Variants in DPP10 observed in about 807,000 individuals in gnomAD.
DPP10 encodes dipeptidyl peptidase like 10.
Under a neutral mutation model 120.9 loss-of-function variants are expected in DPP10, and 33 were observed. The ratio of observed to expected loss-of-function variants is 0.27; its 90% CI spans 0.21 to 0.37. The LOEUF (loss-of-function observed/expected upper bound fraction) is 0.37, where lower values mean the gene tolerates loss of function less well. Among genes scored for constraint, DPP10 ranks in the 10% least tolerant of loss-of-function variants. The pLI is 1.00. For synonymous variants in DPP10, 337 were observed against 326.1 expected (o/e 1.03, Z -0.36); for missense variants, 816 against 942.8 (o/e 0.87, Z 1.76).
At chr2:114,464,609 A>C (rs933676713) in intron 1 of DPP10, among the ~76,000 whole-genome samples, 8 of 152,048 alleles carry the variant, frequency 5.3e-5, no homozygotes, top group African/African-American at 1.9e-4. Context: ...TTTTTATTGT[A>C]TTTCTATCCT....
At chr2:115,753,129 A>G in intron 10 of DPP10, 45 bp from the exon 11 acceptor site, 2 of 1,577,824 alleles carry the variant, frequency 1.3e-6, no homozygotes, top group Non-Finnish European at 1.7e-6. Context: ...TACTATATCA[A>G]TGCTCTGGCT....
intron 5 of DPP10, among the ~76,000 whole-genome samples, chr2:115,547,797 C>G (rs970432161): frequency 1.3e-5 from 2 of 149,844 alleles, no homozygotes; most frequent in Non-Finnish European, 1.5e-5. Context: ...TAAATAATTT[C>G]ATTAAGGCAA....
chr2:114,542,141 G>A (rs1272813867), intron 1 of DPP10, among the ~76,000 whole-genome samples: 2 of 145,132 alleles, frequency 1.4e-5, no homozygotes, highest in South Asian at 2.2e-4. Flanking sequence ...TCCACTTCCC[G>A]GGTTCCAGTG....
intron 1 of DPP10, among the ~76,000 whole-genome samples, chr2:114,830,655 A>T (rs2106396491): frequency 6.6e-6 from 1 of 152,132 alleles, no homozygotes; most frequent in Non-Finnish European, 1.5e-5. Flanking sequence ...ACAACCTCTT[A>T]TTTTTTTTAA....
intron 1 of DPP10, among the ~76,000 whole-genome samples, chr2:114,822,937 C>T (rs1229056666): frequency 6.6e-6 from 1 of 152,198 alleles, no homozygotes; most frequent in Non-Finnish European, 1.5e-5. Context: ...CAAAGCCACT[C>T]AACAAGACTC....
chr2:114,920,200 T>C (rs759653594), intron 1 of DPP10, among the ~76,000 whole-genome samples: 31 of 152,142 alleles, frequency 2.0e-4, no homozygotes, highest in Non-Finnish European at 1.9e-4. Flanking sequence ...CCTCTGATCA[T>C]CATCTGGTTT....
At chr2:115,794,885 C>G (rs1291585078) in intron 19 of DPP10, among the ~76,000 whole-genome samples, 1 of 152,098 alleles carries the variant, frequency 6.6e-6, no homozygotes, top group African/African-American at 2.4e-5. Flanking sequence ...AATTTAATAC[C>G]ATACACGTCT....
intron 3 of DPP10, among the ~76,000 whole-genome samples, chr2:115,431,482 TGATAC>T: frequency 6.6e-6 from 1 of 152,270 alleles, no homozygotes; most frequent in South Asian, 2.1e-4. Flanking sequence ...GCATGAATTC[TGATAC>T]TGCAGTGGTG....
intron 5 of DPP10, among the ~76,000 whole-genome samples, chr2:115,688,518 TA>T (rs762823957): frequency 1.3e-5 from 2 of 152,152 alleles, no homozygotes; most frequent in Admixed American, 6.6e-5. Flanking sequence ...AAAGTATCAA[TA>T]AAATTTCTGT....
At chr2:115,583,570 T>C (rs911996197) in intron 5 of DPP10, among the ~76,000 whole-genome samples, 6 of 152,026 alleles carry the variant, frequency 3.9e-5, no homozygotes, top group Admixed American at 2.0e-4. Flanking sequence ...GATTTCAAAG[T>C]GGTTGGATTT....
At chr2:114,658,226 C>G (rs533337287) in intron 1 of DPP10, among the ~76,000 whole-genome samples, 2 of 152,100 alleles carry the variant, frequency 1.3e-5, no homozygotes, top group East Asian at 1.9e-4. Context: ...CTTTGAAGCA[C>G]AGATAAGATT....
At chr2:115,380,496 C>G (rs1461118118) in intron 3 of DPP10, among the ~76,000 whole-genome samples, 3 of 152,146 alleles carry the variant, frequency 2.0e-5, no homozygotes, top group Non-Finnish European at 4.4e-5. Flanking sequence ...TAGGTCTTGA[C>G]TCTTTATCCA....
chr2:115,734,907 AC>A (rs2092999240), intron 8 of DPP10, among the ~76,000 whole-genome samples: 3 of 151,634 alleles, frequency 2.0e-5, no homozygotes, highest in Non-Finnish European at 4.4e-5. Context: ...CTTATCATGA[AC>A]AAGGTAAATG....
At chr2:114,990,601 G>T (rs984846111) in intron 1 of DPP10, among the ~76,000 whole-genome samples, 1 of 151,992 alleles carries the variant, frequency 6.6e-6, no homozygotes, top group Non-Finnish European at 1.5e-5. Flanking sequence ...AACAGTTAAT[G>T]TGATAACCTT....
At chr2:115,483,020 AT>A (rs2075532943) in intron 3 of DPP10, among the ~76,000 whole-genome samples, 1 of 152,098 alleles carries the variant, frequency 6.6e-6, no homozygotes, top group Admixed American at 6.6e-5. Context: ...AATTGGGTAA[AT>A]AAGGAAATTT....
chr2:115,575,314 A>C (rs1406730227), intron 5 of DPP10, among the ~76,000 whole-genome samples: 1 of 152,204 alleles, frequency 6.6e-6, no homozygotes, highest in Non-Finnish European at 1.5e-5. Flanking sequence ...TTTAAATATC[A>C]TCATAAGAAA....
At chr2:115,677,292 CAG>C (rs1343216365) in intron 5 of DPP10, among the ~76,000 whole-genome samples, 1 of 151,962 alleles carries the variant, frequency 6.6e-6, no homozygotes, top group Non-Finnish European at 1.5e-5. Context: ...AGAAATAAAA[CAG>C]AATCAAGTTA....
intron 1 of DPP10, among the ~76,000 whole-genome samples, chr2:114,722,311 T>G (rs1330684913): frequency 6.6e-6 from 1 of 152,206 alleles, no homozygotes; most frequent in Non-Finnish European, 1.5e-5. Flanking sequence ...TTTCTTCCAT[T>G]GGCCTCATGC....
At chr2:114,540,613 A>G (rs1009692717) in intron 1 of DPP10, among the ~76,000 whole-genome samples, 4 of 152,182 alleles carry the variant, frequency 2.6e-5, no homozygotes, top group Non-Finnish European at 5.9e-5. Context: ...ATATTTTTCT[A>G]TTTATTGCAG....
Sources: allele counts gnomAD v4.1 joint callset (sites outside exome capture counted in the v4.1 genomes callset), GRCh38; gene constraint gnomAD v4.1.1; transcripts MANE v1.5; gene names NCBI Gene and HGNC (gene_info 2026-07-23, HGNC 2026-07-21).